GPR89B: variants seen among roughly 807,000 people sequenced by gnomAD.
GPR89B encodes the protein golgi pH regulator B, also known as G protein-coupled receptor 89B.
In GPR89B, 25 loss-of-function variants were observed where a neutral mutation model predicts 52.4. The ratio of observed to expected loss-of-function variants is 0.48; its 90% CI spans 0.35 to 0.67. The LOEUF is 0.67. Among genes scored for constraint, GPR89B ranks in the 30% least tolerant of loss-of-function variants. GPR89B has a pLI of 0.01. For synonymous variants in GPR89B, 52 were observed against 151.2 expected (o/e 0.34, Z 4.81); for missense variants, 146 against 450.2 (o/e 0.32, Z 6.11).
chr1:147,943,223 AAAT>A (rs1246064273), intron 3 of GPR89B, among the ~76,000 whole-genome samples: 3 of 151,952 alleles, frequency 2.0e-5, no homozygotes, highest in Non-Finnish European at 4.4e-5. Flanking sequence ...TTAATATATG[AAAT>A]TCTTAAGATG....
At chr1:147,998,045 G>A (rs1316179084), downstream of GPR89B, among the ~76,000 whole-genome samples, 2 of 152,010 alleles carry the variant, frequency 1.3e-5, no homozygotes, top group Non-Finnish European at 2.9e-5. Context: ...TACCGAAGAG[G>A]CATAGAACAG....
intron 7 of GPR89B, among the ~76,000 whole-genome samples, 157 bp downstream of exon 7, chr1:147,954,559 T>A (rs1480844816): frequency 1.3e-5 from 2 of 151,046 alleles, no homozygotes; most frequent in Non-Finnish European, 3.0e-5. Flanking sequence ...GGCTCACACC[T>A]GTGATCCCAG....
downstream of GPR89B, chr1:147,995,996 A>T: frequency 3.6e-6 from 3 of 834,060 alleles, no homozygotes; most frequent in Non-Finnish European, 5.9e-6. Context: ...TAATCATGTT[A>T]TTATTTCTCC....
In GPR89B at chr1:147,945,892, T is replaced by C. The variant is rs1339101486; in HGVS notation, c.415+1794T>C. Among the ~76,000 whole-genome samples the C allele has an allele frequency of 3.3e-5, 5 of 151,550 alleles. 1 individual carries two copies. The highest frequency in any genetic ancestry group is 2.0e-4 in the Admixed American group (3 of 15,220). On this transcript the variant is annotated intron_variant, in intron 5 of 13. Transcript: ENST00000314163. ...GGCGCATGCCACCATACCCGGCTAA[T>C]TTTGGTATTTTTTCATAGAGATGGG...
intron 1 of GPR89B, among the ~76,000 whole-genome samples, chr1:147,935,599 G>A (rs1379649692): frequency 1.3e-5 from 2 of 152,182 alleles, no homozygotes; most frequent in Non-Finnish European, 2.9e-5. Flanking sequence ...CCACTTTTAT[G>A]TAGATTAGGC....
At chr1:147,985,379 AT>A (rs1658590203) in intron 10 of GPR89B, among the ~76,000 whole-genome samples, 1 of 151,908 alleles carries the variant, frequency 6.6e-6, no homozygotes, top group African/African-American at 2.4e-5. Flanking sequence ...TTCATAAGGA[AT>A]ATATAGTTGG....
chr1:148,002,054 T>TC, the GPR89B span, among the ~76,000 whole-genome samples: 1 of 151,734 alleles, frequency 6.6e-6, no homozygotes, highest in African/African-American at 2.4e-5. Context: ...TTTTTTTTTT[T>TC]TTAACAAGTT....
chr1:147,954,218 AG>A (rs1655927630), intron 6 of GPR89B, 103 bp from the exon 7 acceptor site: 1 of 77,070 alleles, frequency 1.3e-5, no homozygotes. Context: ...TCTAGAAAAA[AG>A]TAGTAGGTAA....
the GPR89B span, among the ~76,000 whole-genome samples, chr1:148,025,107 G>T: frequency 2.6e-5 from 4 of 151,836 alleles, 1 homozygote; most frequent in South Asian, 8.3e-4. Flanking sequence ...TCCTGATAAA[G>T]ACAATAGGAT....
At chr1:148,017,291 C>T in the GPR89B span, among the ~76,000 whole-genome samples, 2 of 151,400 alleles carry the variant, frequency 1.3e-5, no homozygotes, top group African/African-American at 4.9e-5. Flanking sequence ...ATCTGCCCCC[C>T]TCAGCCTCCC....
chr1:148,006,861 C>T, the GPR89B span, among the ~76,000 whole-genome samples: 87 of 151,738 alleles, frequency 5.7e-4, 1 homozygote, highest in East Asian at 3.9e-3. Flanking sequence ...GGACTACAGG[C>T]GCCTGCCACC....
chr1:147,930,368 CCTT>C (rs1414641628), intron 1 of GPR89B, among the ~76,000 whole-genome samples: 5 of 152,198 alleles, frequency 3.3e-5, no homozygotes, highest in African/African-American at 4.8e-5. Flanking sequence ...ATTTCGGCTG[CCTT>C]CTTCCTCATT....
At chr1:147,932,777 C>A (rs1571215319) in intron 1 of GPR89B, among the ~76,000 whole-genome samples, 1 of 152,018 alleles carries the variant, frequency 6.6e-6, no homozygotes, top group African/African-American at 2.4e-5. Context: ...TTCTACCTAC[C>A]TTTGATCTTA....
chr1:147,979,946 A>C (rs1265139464), intron 10 of GPR89B, among the ~76,000 whole-genome samples: 1 of 151,450 alleles, frequency 6.6e-6, no homozygotes, highest in Non-Finnish European at 1.5e-5. Context: ...AAATTAACTG[A>C]GTGTGGTGGC....
At chr1:147,988,063 G>T (rs1658794832) in intron 11 of GPR89B, among the ~76,000 whole-genome samples, 1 of 151,692 alleles carries the variant, frequency 6.6e-6, no homozygotes, top group Non-Finnish European at 1.5e-5. Flanking sequence ...TCACTGCTTG[G>T]TACTTGCTGC....
chr1:147,947,067 G>A lies in GPR89B; in HGVS notation c.415+2969G>A, dbSNP rs587595326. Among the ~76,000 whole-genome samples, 8 of 152,024 alleles carry A rather than the reference G, an allele frequency of 5.3e-5. No individual in the cohort carries two copies. In the East Asian group the frequency reaches 1.4e-3, roughly 26 times the overall value. On this transcript the variant is annotated intron_variant, in intron 5 of 13. Coordinates refer to ENST00000314163, the MANE Select transcript of GPR89B (RefSeq NM_016334.5). ...ACAAAAAAATGGGCTGGGCAGGTTG[G>A]CTCACCCCTATAATCCCAGCACTTT...
At chr1:147,953,017 G>A (rs1655842949) in intron 5 of GPR89B, among the ~76,000 whole-genome samples, 1 of 145,150 alleles carries the variant, frequency 6.9e-6, no homozygotes, top group Non-Finnish European at 1.5e-5. Context: ...TTTTTTGGCC[G>A]ATGCTTTTAC....
At chr1:148,024,775 C>A in the GPR89B span, 1 of 151,114 alleles carries the variant, frequency 6.6e-6, no homozygotes, top group Admixed American at 6.6e-5. Context: ...CATTCAGCCT[C>A]ACAAAAATCT....
the GPR89B span, among the ~76,000 whole-genome samples, chr1:148,000,442 G>GA: frequency 6.6e-6 from 1 of 151,996 alleles, no homozygotes; most frequent in Non-Finnish European, 1.5e-5. Flanking sequence ...AGATTATCTT[G>GA]AAAAAATGTG....
Sources: allele counts gnomAD v4.1 joint callset (sites outside exome capture counted in the v4.1 genomes callset), GRCh38; gene constraint gnomAD v4.1.1; transcripts MANE v1.5; gene names NCBI Gene and HGNC (gene_info 2026-07-23, HGNC 2026-07-21).